Variants in OSGEPL1 observed in about 807,000 individuals in gnomAD.
OSGEPL1 encodes the protein tRNA N6-adenosine threonylcarbamoyltransferase, mitochondrial.
In OSGEPL1, 26 loss-of-function variants were observed where a neutral mutation model predicts 37.2. The ratio of observed to expected loss-of-function variants is 0.70; its 90% CI spans 0.51 to 0.97. The LOEUF is 0.97. OSGEPL1 is among the 50% of genes least tolerant of loss of function. The pLI, the probability that OSGEPL1 is intolerant of heterozygous loss-of-function variation, is 0.00. For synonymous variants in OSGEPL1, 140 were observed against 159.9 expected, an observed-to-expected ratio of 0.88 and a Z score of 0.94; for missense variants, 404 against 487.0, an observed-to-expected ratio of 0.83 and a Z score of 1.60.
chr2:189,755,148 A>C, intron 3 of OSGEPL1, 25 bp downstream of exon 3: 1 of 1,590,184 alleles, frequency 6.3e-7, no homozygotes, highest in East Asian at 2.2e-5. Context: ...AACAAAAAAG[A>C]ATGGAGAAAT....
At chr2:189,747,490 T>C (rs1468583120) in intron 8 of OSGEPL1, among the ~76,000 whole-genome samples, 1 of 152,188 alleles carries the variant, frequency 6.6e-6, no homozygotes, top group Admixed American at 6.5e-5. Flanking sequence ...TACATGAGTA[T>C]GGCTTTTGTG....
At chr2:189,751,242 C>T (rs765767291) in intron 7 of OSGEPL1, among the ~76,000 whole-genome samples, 7 of 152,100 alleles carry the variant, frequency 4.6e-5, no homozygotes, top group African/African-American at 7.2e-5. Flanking sequence ...TGAATCCCAA[C>T]CTGGAAAAAG....
intron 8 of OSGEPL1, among the ~76,000 whole-genome samples, chr2:189,748,144 C>T (rs897903687): frequency 1.3e-5 from 2 of 152,178 alleles, no homozygotes; most frequent in Non-Finnish European, 2.9e-5. Flanking sequence ...GTACTTAGGG[C>T]TTTCTATGTG....
At chr2:189,758,745 G>C (rs188659007) in intron 2 of OSGEPL1, among the ~76,000 whole-genome samples, 63 of 152,260 alleles carry the variant, frequency 4.1e-4, no homozygotes, top group African/African-American at 1.4e-3. Flanking sequence ...TATAGACATG[G>C]CCCCTGTCAC....
chr2:189,755,000 A>T (rs2045886871), intron 3 of OSGEPL1, 173 bp downstream of exon 3: 3 of 705,288 alleles, frequency 4.3e-6, no homozygotes, highest in Non-Finnish European at 6.7e-6. Context: ...AAGGCTAAGA[A>T]TTATAAAATT....
At chr2:189,762,806 T>G (rs2047324571), upstream of OSGEPL1, 1 of 985,408 alleles carries the variant, frequency 1.0e-6, no homozygotes, top group African/African-American at 1.7e-5. Context: ...ATCGGAACTG[T>G]GCAAGGTCCC....
intron 3 of OSGEPL1, chr2:189,754,787 A>G: frequency 4.0e-6 from 1 of 248,748 alleles, no homozygotes; most frequent in Non-Finnish European, 7.6e-6. Context: ...TGGTGTAAGT[A>G]ATTGTGTGAT....
chr2:189,752,956 A>G lies in OSGEPL1; in HGVS notation c.987T>C (p.Ser329=). Residue 329 remains serine (S), a synonymous_variant, in exon 6 of 9, where the codon AGT becomes AGC. Coordinates refer to ENST00000264151, the MANE Select transcript of OSGEPL1 (RefSeq NM_022353.3). Reference sequence around the variant, plus strand: ...CCAGAGCTCTGCGGATATAGAAGTTACTTGCGACACCACCAGATGCAACCT... The same window carrying G: ...CCAGAGCTCTGCGGATATAGAAGTTGCTTGCGACACCACCAGATGCAACCT... ...AVLVASGGVA[S]NFYIRRALEI... 1 of 1,612,652 alleles carries G rather than the reference A, an allele frequency of 6.2e-7. No individual in the cohort carries two copies. Among genetic ancestry groups the G allele is most frequent in the East Asian group, 2.2e-5 (1 of 44,880 alleles).
intron 2 of OSGEPL1, among the ~76,000 whole-genome samples, chr2:189,759,406 G>A (rs1202045531): frequency 2.6e-5 from 4 of 152,050 alleles, no homozygotes; most frequent in African/African-American, 7.2e-5. Flanking sequence ...CCGCCACCAC[G>A]CCTGGCTAAT....
chr2:189,760,651 C>T (rs1408479205), intron 2 of OSGEPL1, among the ~76,000 whole-genome samples: 2 of 151,674 alleles, frequency 1.3e-5, no homozygotes, highest in African/African-American at 4.9e-5. Flanking sequence ...ATCAGCTGGG[C>T]GTGGTGGCAC....
chr2:189,755,633 A>C, intron 2 of OSGEPL1, 73 bp from the exon 3 acceptor site: 1 of 1,476,648 alleles, frequency 6.8e-7, no homozygotes, highest in Non-Finnish European at 9.1e-7. Context: ...TACAGCTAAA[A>C]GCATGTCTTC....
At chr2:189,757,302 G>C (rs994823515) in intron 2 of OSGEPL1, among the ~76,000 whole-genome samples, 4 of 152,194 alleles carry the variant, frequency 2.6e-5, no homozygotes, top group Non-Finnish European at 4.4e-5. Flanking sequence ...TGGTGAGGGA[G>C]AAGTCAAGGG....
chr2:189,749,411 C>T (rs2044744441), intron 8 of OSGEPL1, among the ~76,000 whole-genome samples: 1 of 149,828 alleles, frequency 6.7e-6, no homozygotes, highest in Non-Finnish European at 1.5e-5. Flanking sequence ...CTATAAAAAT[C>T]GAAATAAAAA....
chr2:189,757,147 A>G (rs1050207629), intron 2 of OSGEPL1, among the ~76,000 whole-genome samples: 2 of 152,240 alleles, frequency 1.3e-5, no homozygotes, highest in Non-Finnish European at 2.9e-5. Flanking sequence ...AGGCAGGGAA[A>G]CCACTGAGGC....
chr2:189,761,650 A>T lies in OSGEPL1; in HGVS notation c.-10T>A. The T allele has an allele frequency of 6.5e-7, 1 of 1,545,494 alleles. No individual in the cohort carries two copies. The highest frequency in any genetic ancestry group is 8.7e-7 in the Non-Finnish European group (1 of 1,151,936). Reference sequence around the variant, plus strand: ...TAGTCAAGATTAGCATACTTACTCTATAGATAATTCCTGAAAAAGAATTAC... The same window carrying T: ...TAGTCAAGATTAGCATACTTACTCTTTAGATAATTCCTGAAAAAGAATTAC... On this transcript the variant is annotated 5_prime_UTR_variant, in exon 2 of 9. Coordinates refer to ENST00000264151, the MANE Select transcript of OSGEPL1 (RefSeq NM_022353.3).
Position 189,750,403 on chromosome 2 carries a change from CTT to C in OSGEPL1, c.*28+145_*28+146del, listed in dbSNP as rs1288854220. 4 of 444,936 alleles carry C rather than the reference CTT, an allele frequency of 9.0e-6. No homozygotes were observed. The Admixed American group carries it at 1.7e-4, about 18-fold the overall frequency. 27.6% of individuals were successfully genotyped at this position (444,936 alleles called of 1,614,324 possible). ...AAAAAAACTATCTTCCCTTGTAAGA[CTT>C]TTAACACATTATAGTATCTCAGAAG... On this transcript the variant is annotated intron_variant, in intron 8 of 8. Coordinates refer to ENST00000264151, the MANE Select transcript of OSGEPL1 (RefSeq NM_022353.3).
At position 189,755,307 on chromosome 2, in the gene OSGEPL1, T is replaced by C; in HGVS notation, c.475A>G (p.Asn159Asp). 1 of 1,613,596 alleles carries C rather than the reference T, an allele frequency of 6.2e-7. No homozygotes were observed. The highest frequency in any genetic ancestry group is 1.3e-5 in the African/African-American group (1 of 75,008). The change falls in exon 3 of 9, where the codon AAT becomes GAT. Residue 159 changes from asparagine (N) to aspartate (D), a missense_variant. Coordinates refer to ENST00000264151, the MANE Select transcript of OSGEPL1 (RefSeq NM_022353.3). ...EAHALTIRLT[N>D]KVEFPFLVLL... ...ACTAAAAAAGGAAATTCTACTTTATTGGTCAACCTAATAGTAAGTGCATGA... is the reference window on the plus strand; with the variant it reads ...ACTAAAAAAGGAAATTCTACTTTATCGGTCAACCTAATAGTAAGTGCATGA...
Position 189,761,423 on chromosome 2 carries a change from A to T in OSGEPL1, c.218T>A (p.Leu73Ter), listed in dbSNP as rs770591002. The T allele has an allele frequency of 6.3e-7, 1 of 1,596,886 alleles. No individual in the cohort carries two copies. Residue 73 changes from leucine to a stop codon, truncating the protein, a stop_gained, in exon 2 of 9, where the codon TTA (leucine) becomes TAA (stop). Transcript: ENST00000264151. LOFTEE classifies it high-confidence loss of function. ...GACTAAGATAATGTCTACTTACTTT[A>T]AATGAACTTCAGTTTGGGAATGTAT... is the stretch of plus-strand genomic sequence containing the variant. ...EAIHSQTEVH[L>*]KTGGIVPPAA...
rs2047312378 is a variant in OSGEPL1 at position 189,762,742 on chromosome 2, A to G, written c.-78T>C. The G allele has an allele frequency of 1.0e-6, 1 of 985,410 alleles. No individual in the cohort carries two copies. The highest frequency in any genetic ancestry group is 1.7e-5 in the African/African-American group (1 of 57,238). The allele number at this position is 985,410 out of a possible 1,614,324, so 61.0% of individuals were successfully genotyped here. ...CTCCTTTCCCTACTAAAGACTGTCGACTGCCCTTATCGCTGCAGGAGAAAG... is the reference window on the plus strand; with the variant it reads ...CTCCTTTCCCTACTAAAGACTGTCGGCTGCCCTTATCGCTGCAGGAGAAAG... On this transcript the variant is annotated 5_prime_UTR_variant, in exon 1 of 9. Transcript: ENST00000264151.
Sources: gnomAD v4.1 joint callset for allele counts (sites outside exome capture counted in the v4.1 genomes callset) on GRCh38, gnomAD v4.1.1 for gene constraint, MANE v1.5 for transcripts, NCBI Gene and HGNC (gene_info 2026-07-23, HGNC 2026-07-21) for gene names.